PCNA: variants seen among roughly 807,000 people sequenced by gnomAD.
The protein encoded by PCNA is DNA sliding clamp PCNA.
A neutral mutation model predicts 27.8 loss-of-function variants in PCNA; 4 were observed. The observed-to-expected ratio is 0.14, with a 90% CI of 0.07 to 0.33. The LOEUF is 0.33. Ranked by LOEUF, PCNA falls within the 10% of genes least tolerant of loss-of-function variation. PCNA has a pLI of 1.00. For missense variants in PCNA, 165 were observed against 327.4 expected (o/e 0.50, Z 3.83); for synonymous variants, 121 against 119.4 (o/e 1.01, Z -0.09).
upstream of PCNA, among the ~76,000 whole-genome samples, chr20:5,120,395 G>C (rs2090510964): frequency 6.6e-6 from 1 of 152,222 alleles, no homozygotes; most frequent in Non-Finnish European, 1.5e-5. Context: ...TTACAGAATT[G>C]ATGCGCTCGT....
Position 5,118,612 on chromosome 20 carries a change from G to A in PCNA, c.385C>T (p.Pro129Ser). Reference protein sequence around the residue: ...MDLDVEQLGIPEQEYSCVVKM... With the variant: ...MDLDVEQLGISEQEYSCVVKM... ...TACAATGAGAAACTGATACTCACTG[G>A]AATTCCAAGTTGTTCAACATCTAAA... Residue 129 changes from proline to serine, a missense_variant and splice_region_variant, in exon 3 of 6, where the codon CCA (proline) becomes TCA (serine). By Grantham distance (74) the Pro-to-Ser change is moderately conservative. Transcript: ENST00000379143. 1 of 1,600,698 alleles carries A rather than the reference G, an allele frequency of 6.2e-7. No homozygotes were observed. Among genetic ancestry groups the A allele is most frequent in the Non-Finnish European group, 8.6e-7 (1 of 1,168,372 alleles).
intron 1 of PCNA, among the ~76,000 whole-genome samples, chr20:5,119,166 C>T (rs935552843): frequency 6.6e-6 from 1 of 152,030 alleles, no homozygotes; most frequent in African/African-American, 2.4e-5. Context: ...TAAAGTCAAC[C>T]GCGACTGAGC....
chr20:5,123,159 G>A (rs75890007), upstream of PCNA, among the ~76,000 whole-genome samples: 551 of 152,304 alleles, frequency 3.6e-3, 3 homozygotes, highest in African/African-American at 0.012. Context: ...AGACTGATGT[G>A]TCTGAAGCAA....
upstream of PCNA, among the ~76,000 whole-genome samples, chr20:5,120,288 A>G (rs968423446): frequency 1.3e-5 from 2 of 152,246 alleles, no homozygotes; most frequent in Non-Finnish European, 2.9e-5. Flanking sequence ...CAGCCACGAA[A>G]GTGAAAGTGA....
intron 3 of PCNA, among the ~76,000 whole-genome samples, chr20:5,118,248 T>C (rs1191430873): frequency 6.6e-6 from 1 of 152,220 alleles, no homozygotes; most frequent in Non-Finnish European, 1.5e-5. Flanking sequence ...GATATATTTC[T>C]AGAAAAAGTT....
At chr20:5,121,652 G>A (rs899482643), upstream of PCNA, 1 of 151,910 alleles carries the variant, frequency 6.6e-6, no homozygotes, top group Non-Finnish European at 1.5e-5. Context: ...TCTAGAGAGG[G>A]GAGTCTCCCT....
rs768007592 is a variant in PCNA at position 5,118,673 on chromosome 20, C to A, written c.324G>T (p.Gln108His). The A allele has an allele frequency of 6.2e-7, 1 of 1,613,368 alleles. No homozygotes were observed. Among genetic ancestry groups the A allele is most frequent in the South Asian group, 1.1e-5 (1 of 91,076 alleles). The change falls in exon 3 of 6, where the codon CAG becomes CAT. Residue 108 changes from glutamine (Q) to histidine (H), a missense_variant. By Grantham distance (24) the Gln-to-His change is conservative. Coordinates refer to ENST00000379143, the MANE Select transcript of PCNA (RefSeq NM_182649.2). ...TCATTTCATAGTCTGAAACTTTCTC[C>A]TGGTCTACCAAAAGAAAGCAGATGC... ...TLALVFEAPN[Q>H]EKVSDYEMKL...
rs908881236 is a variant in PCNA at position 5,119,543 on chromosome 20, G to T, written c.221+35C>A. On this transcript the variant is annotated intron_variant, in intron 1 of 5. Transcript: ENST00000379143. Reference sequence around the variant, plus strand: ...CCGCCAAGCACCGGAGGTGCAGGCGGGCCGGGGCCGGCTTCCCGGGGCCGC... The same window carrying T: ...CCGCCAAGCACCGGAGGTGCAGGCGTGCCGGGGCCGGCTTCCCGGGGCCGC... 8 of 1,565,252 alleles carry T rather than the reference G, an allele frequency of 5.1e-6. No individual in the cohort carries two copies. In the African/African-American group the frequency reaches 9.5e-5, roughly 19 times the overall value.
chr20:5,122,345 A>G (rs1236540305), upstream of PCNA, among the ~76,000 whole-genome samples: 1 of 152,254 alleles, frequency 6.6e-6, no homozygotes, highest in African/African-American at 2.4e-5. Flanking sequence ...ACTCTTGTGC[A>G]AACATGAAAA....
In PCNA at chr20:5,119,561, G is replaced by C. The variant is rs748600783; in HGVS notation, c.221+17C>G. Reference sequence around the variant, plus strand: ...GCAGGCGGGCCGGGGCCGGCTTCCCGGGGCCGCGAGGCTCACCTGGTGAGG... The same window carrying C: ...GCAGGCGGGCCGGGGCCGGCTTCCCCGGGCCGCGAGGCTCACCTGGTGAGG... On this transcript the variant is annotated intron_variant, in intron 1 of 5. Coordinates refer to ENST00000379143, the MANE Select transcript of PCNA (RefSeq NM_182649.2). 8.8e-6 allele frequency: 14 copies of C among 1,598,332 alleles called. No homozygotes were observed. The highest frequency in any genetic ancestry group is 3.4e-5 in the Admixed American group (2 of 58,648).
Sources: gnomAD v4.1 joint callset for allele counts (sites outside exome capture counted in the v4.1 genomes callset) on GRCh38, gnomAD v4.1.1 for gene constraint, MANE v1.5 for transcripts, NCBI Gene and HGNC (gene_info 2026-07-23, HGNC 2026-07-21) for gene names.